The following FAM193A variants were observed in gnomAD, a reference collection of about 807,000 sequenced individuals.
FAM193A encodes the protein protein FAM193A.
A neutral mutation model predicts 126.5 loss-of-function variants in FAM193A; 22 were observed. The observed-to-expected ratio is 0.17, with a 90% CI of 0.12 to 0.25. FAM193A has a LOEUF of 0.25. Ranked by LOEUF, FAM193A falls within the 10% of genes least tolerant of loss-of-function variation. The pLI is 1.00. For synonymous variants in FAM193A, 761 were observed against 646.8 expected (o/e 1.18, Z -2.68); for missense variants, 1,675 against 1,672.8 (o/e 1.00, Z -0.02).
At chr4:2,728,073 A>G (rs995815337) in intron 20 of FAM193A, among the ~76,000 whole-genome samples, 19 of 151,914 alleles carry the variant, frequency 1.3e-4, no homozygotes, top group African/African-American at 4.4e-4. Flanking sequence ...CTGGGATTAC[A>G]GGCATGCGTC....
chr4:2,620,526 C>T (rs1577083930), intron 2 of FAM193A, among the ~76,000 whole-genome samples: 1 of 152,202 alleles, frequency 6.6e-6, no homozygotes, highest in Non-Finnish European at 1.5e-5. Flanking sequence ...CGCTCATAAT[C>T]AGAACAAACA....
chr4:2,674,934 A>G (rs1315687909), intron 13 of FAM193A, among the ~76,000 whole-genome samples: 1 of 152,090 alleles, frequency 6.6e-6, no homozygotes, highest in African/African-American at 2.4e-5. Flanking sequence ...TTATATATGG[A>G]GTATAAGTTA....
In FAM193A at chr4:2,663,305, T is replaced by C. The variant is rs753371356; in HGVS notation, c.2079+17T>C. On this transcript the variant is annotated intron_variant, in intron 12 of 20. Coordinates refer to ENST00000637812, the MANE Select transcript of FAM193A (RefSeq NM_001366318.2). ...ACACAGCAGGTAGGACTTTGCTTGC[T>C]GTTTTGCCAAGGATCTCTTTTTCTG... The C allele has an allele frequency of 1.4e-5, 21 of 1,538,990 alleles. No individual in the cohort carries two copies. In the Admixed American group the frequency reaches 4.7e-4, roughly 34 times the overall value.
At chr4:2,555,379 T>C (rs928372530) in intron 1 of FAM193A, among the ~76,000 whole-genome samples, 30 of 152,202 alleles carry the variant, frequency 2.0e-4, no homozygotes, top group Non-Finnish European at 3.8e-4. Flanking sequence ...TTTGGGAGGC[T>C]AGAGGTAAAT....
chr4:2,668,052 G>A (rs1028342653), intron 12 of FAM193A, among the ~76,000 whole-genome samples: 6 of 151,746 alleles, frequency 4.0e-5, no homozygotes, highest in African/African-American at 1.5e-4. Context: ...CTATAGGCAT[G>A]TGCCGCCATG....
chr4:2,555,294 A>G (rs1378097710), intron 1 of FAM193A, among the ~76,000 whole-genome samples: 1 of 152,158 alleles, frequency 6.6e-6, no homozygotes, highest in East Asian at 1.9e-4. Context: ...ATGGGCCTGT[A>G]TAACATTTAT....
At chr4:2,605,249 C>G (rs909092017) in intron 2 of FAM193A, among the ~76,000 whole-genome samples, 19 of 152,166 alleles carry the variant, frequency 1.2e-4, no homozygotes, top group Admixed American at 1.2e-3. Flanking sequence ...CCCTTCTAGT[C>G]ATTACCCTCT....
chr4:2,636,343 G>C (rs2340508), intron 5 of FAM193A, among the ~76,000 whole-genome samples: 4,993 of 152,180 alleles, frequency 0.033, 96 homozygotes, highest in South Asian at 0.071. Flanking sequence ...AATTACAGCC[G>C]TGAGCCACCG....
intron 1 of FAM193A, among the ~76,000 whole-genome samples, chr4:2,590,770 G>A (rs1364915180): frequency 1.3e-5 from 2 of 152,040 alleles, no homozygotes; most frequent in East Asian, 3.9e-4. Context: ...GCTCACACCT[G>A]TAATCCCAGC....
chr4:2,599,318 C>T (rs771232025), intron 2 of FAM193A, among the ~76,000 whole-genome samples: 2 of 151,964 alleles, frequency 1.3e-5, no homozygotes, highest in African/African-American at 2.4e-5. Flanking sequence ...GGGGCTGCTG[C>T]ACTTTGTTGT....
chr4:2,569,308 G>A (rs529062250), intron 1 of FAM193A, among the ~76,000 whole-genome samples: 1 of 152,094 alleles, frequency 6.6e-6, no homozygotes, highest in African/African-American at 2.4e-5. Flanking sequence ...ACCCACGTGA[G>A]GGGTTGAGAA....
chr4:2,676,268 A>G (rs1334129919), intron 13 of FAM193A, among the ~76,000 whole-genome samples: 1 of 152,196 alleles, frequency 6.6e-6, no homozygotes, highest in Non-Finnish European at 1.5e-5. Flanking sequence ...GTTTCTCCAC[A>G]TCCTCATTAA....
chr4:2,668,823 C>T (rs564946702), intron 12 of FAM193A, among the ~76,000 whole-genome samples: 36 of 149,412 alleles, frequency 2.4e-4, no homozygotes, highest in Non-Finnish European at 4.6e-4. Context: ...TTTCTCTTTT[C>T]CTTTTCCTTT....
At chr4:2,577,886 A>G (rs572959705) in intron 1 of FAM193A, among the ~76,000 whole-genome samples, 6 of 152,300 alleles carry the variant, frequency 3.9e-5, no homozygotes, top group East Asian at 1.9e-4. Context: ...CCAGACATCT[A>G]AAGTTTTGTT....
At chr4:2,643,696 C>T (rs1443808412) in intron 6 of FAM193A, among the ~76,000 whole-genome samples, 2 of 152,132 alleles carry the variant, frequency 1.3e-5, no homozygotes, top group Non-Finnish European at 2.9e-5. Context: ...CCTGGGGGTG[C>T]TTTGGTCTGG....
chr4:2,703,990 G>C (rs1195002464), intron 19 of FAM193A, among the ~76,000 whole-genome samples: 1 of 150,282 alleles, frequency 6.7e-6, no homozygotes. Context: ...TAAAGCAGCC[G>C]GGCATGGTGG....
chr4:2,586,099 C>G (rs1740218674), intron 1 of FAM193A, among the ~76,000 whole-genome samples: 1 of 151,728 alleles, frequency 6.6e-6, no homozygotes, highest in Admixed American at 6.6e-5. Context: ...CAAAATTAGC[C>G]AGGCGTGGTG....
At chr4:2,546,161 T>G (rs946487023) in intron 1 of FAM193A, among the ~76,000 whole-genome samples, 2 of 123,948 alleles carry the variant, frequency 1.6e-5, no homozygotes, top group South Asian at 4.4e-4. Flanking sequence ...AAAAAAAAAT[T>G]TTTTTTTTTT....
At chr4:2,600,748 G>A (rs1044242863) in intron 2 of FAM193A, among the ~76,000 whole-genome samples, 11 of 152,082 alleles carry the variant, frequency 7.2e-5, no homozygotes, top group Non-Finnish European at 1.2e-4. Context: ...TCTTCTTCAA[G>A]ACTTTGTCGC....
Sources: gnomAD v4.1 joint callset for allele counts (sites outside exome capture counted in the v4.1 genomes callset) on GRCh38, gnomAD v4.1.1 for gene constraint, MANE v1.5 for transcripts, NCBI Gene and HGNC (gene_info 2026-07-23, HGNC 2026-07-21) for gene names.